Variants in PTPRD observed in about 807,000 individuals in gnomAD.
PTPRD encodes receptor-type tyrosine-protein phosphatase delta.
In PTPRD, 34 loss-of-function variants were observed where a neutral mutation model predicts 214.5. That is an observed-to-expected ratio of 0.16 (90% confidence interval 0.12 to 0.21). The LOEUF (loss-of-function observed/expected upper bound fraction) is 0.21, where lower values mean the gene tolerates loss of function less well. Among genes scored for constraint, PTPRD ranks in the 10% least tolerant of loss-of-function variants. The probability of loss-of-function intolerance (pLI) is 1.00; values close to 1 mark genes in which losing one functional copy is unlikely to be tolerated. For synonymous variants in PTPRD, 1,128 were observed against 845.7 expected (o/e 1.33, Z -5.79); for missense variants, 2,545 against 2,398.7 (o/e 1.06, Z -1.27).
At chr9:8,798,141 A>G (rs952641868) in intron 11 of PTPRD, among the ~76,000 whole-genome samples, 2 of 152,252 alleles carry the variant, frequency 1.3e-5, no homozygotes, top group Non-Finnish European at 1.5e-5. Flanking sequence ...AACATTTTAT[A>G]TGACTAAGTA....
chr9:9,968,432 A>T (rs1285783751), intron 4 of PTPRD, among the ~76,000 whole-genome samples: 4 of 152,256 alleles, frequency 2.6e-5, no homozygotes, highest in Non-Finnish European at 5.9e-5. Flanking sequence ...TAAAATAATC[A>T]AGAAAATATA....
At chr9:8,809,694 A>T (rs1275772092) in intron 11 of PTPRD, among the ~76,000 whole-genome samples, 1 of 152,186 alleles carries the variant, frequency 6.6e-6, no homozygotes, top group Non-Finnish European at 1.5e-5. Flanking sequence ...TATAGCTGGC[A>T]TAAGGTTTAC....
At chr9:9,004,050 TC>T (rs2099440506) in intron 11 of PTPRD, among the ~76,000 whole-genome samples, 3 of 152,210 alleles carry the variant, frequency 2.0e-5, no homozygotes, top group Non-Finnish European at 4.4e-5. Flanking sequence ...TGCTTATGTT[TC>T]TCCTTTAGAT....
At chr9:10,051,590 T>C (rs2097536041) in intron 3 of PTPRD, among the ~76,000 whole-genome samples, 1 of 151,858 alleles carries the variant, frequency 6.6e-6, no homozygotes, top group African/African-American at 2.4e-5. Flanking sequence ...CCTAATGCTA[T>C]CCCTCCCCAC....
intron 8 of PTPRD, among the ~76,000 whole-genome samples, chr9:9,485,981 T>A (rs1271488325): frequency 2.0e-5 from 3 of 151,652 alleles, no homozygotes; most frequent in Non-Finnish European, 4.4e-5. Context: ...TGAAACCTCT[T>A]TTCTACTAAA....
intron 3 of PTPRD, among the ~76,000 whole-genome samples, chr9:10,171,359 G>A (rs1196974399): frequency 6.6e-6 from 1 of 151,886 alleles, no homozygotes; most frequent in African/African-American, 2.4e-5. Context: ...AGATCTGATG[G>A]TTTTATAAGG....
intron 7 of PTPRD, among the ~76,000 whole-genome samples, chr9:9,711,681 C>T (rs916491461): frequency 6.6e-6 from 1 of 152,136 alleles, no homozygotes; most frequent in Non-Finnish European, 1.5e-5. Flanking sequence ...TTTTGATGAT[C>T]AGAACTGGCT....
At chr9:8,709,848 G>C (rs992001745) in intron 12 of PTPRD, among the ~76,000 whole-genome samples, 1 of 152,140 alleles carries the variant, frequency 6.6e-6, no homozygotes, top group Non-Finnish European at 1.5e-5. Context: ...AAGGTAAATA[G>C]GGCATCTTTA....
At chr9:10,523,693 A>G (rs2053312207) in intron 2 of PTPRD, among the ~76,000 whole-genome samples, 1 of 147,702 alleles carries the variant, frequency 6.8e-6, no homozygotes, top group Admixed American at 6.8e-5. Context: ...AGCGGCTCTA[A>G]TATGTTTGTT....
intron 3 of PTPRD, among the ~76,000 whole-genome samples, chr9:10,085,834 T>C (rs1444281938): frequency 6.6e-6 from 1 of 151,890 alleles, no homozygotes; most frequent in East Asian, 1.9e-4. Flanking sequence ...TCCTTAGAGG[T>C]CACCTGTAAC....
chr9:8,541,674 TTGTTTG>T (rs570676259), intron 14 of PTPRD, among the ~76,000 whole-genome samples: 169 of 151,974 alleles, frequency 1.1e-3, no homozygotes, highest in African/African-American at 4.0e-3. Flanking sequence ...GCCTTTGTGT[TTGTTTG>T]TGTTTGTGTG....
At chr9:9,739,221 G>A (rs1399781177) in intron 6 of PTPRD, among the ~76,000 whole-genome samples, 1 of 152,110 alleles carries the variant, frequency 6.6e-6, no homozygotes, top group East Asian at 1.9e-4. Flanking sequence ...ATACAACACT[G>A]AATACAAGTG....
Position 8,341,191 on chromosome 9 carries a change from A to G in PTPRD, c.5025T>C (p.Leu1675=), listed in dbSNP as rs757653941. 1.9e-6 allele frequency: 3 copies of G among 1,613,184 alleles called. No homozygotes were observed. The highest frequency in any genetic ancestry group is 1.1e-5 in the South Asian group (1 of 91,018). The change falls in exon 41 of 46, where the codon CTT becomes CTC. Residue 1675 remains leucine (L), a synonymous_variant. Coordinates refer to ENST00000381196, the MANE Select transcript of PTPRD (RefSeq NM_002839.4). ...TGGATTCATATGGCATAATATTAAC[A>G]AGGCGATTTTTGAATTTATTACATG... The part of the protein sequence containing the change: ...NLPCNKFKNR[L]VNIMPYESTR...
intron 9 of PTPRD, among the ~76,000 whole-genome samples, chr9:9,302,601 C>CTTTTTTTTTTTTTTTT (rs3047853): frequency 5.4e-5 from 6 of 111,882 alleles, no homozygotes; most frequent in East Asian, 2.7e-4. Flanking sequence ...TTTTTTTTTT[C>CTTTTTTTTTTTTTTTT]TTTTTTTTTT....
chr9:9,916,767 G>A (rs1308628551), intron 5 of PTPRD, among the ~76,000 whole-genome samples: 2 of 151,942 alleles, frequency 1.3e-5, no homozygotes, highest in Admixed American at 6.6e-5. Context: ...TTCAACAGTT[G>A]GAGAATACAC....
chr9:8,927,537 C>T (rs971959576), intron 11 of PTPRD, among the ~76,000 whole-genome samples: 3 of 152,146 alleles, frequency 2.0e-5, no homozygotes, highest in Non-Finnish European at 4.4e-5. Context: ...AGAACATGAG[C>T]TCATCCTTTT....
At chr9:9,943,218 ATTCATCTCC>A (rs2091937706) in intron 4 of PTPRD, among the ~76,000 whole-genome samples, 1 of 152,184 alleles carries the variant, frequency 6.6e-6, no homozygotes, top group South Asian at 2.1e-4. Context: ...AATAGGCAGG[ATTCATCTCC>A]TTCCTAGTTG....
At chr9:9,186,592 C>A (rs2099931652) in intron 9 of PTPRD, among the ~76,000 whole-genome samples, 1 of 150,474 alleles carries the variant, frequency 6.6e-6, no homozygotes, top group African/African-American at 2.4e-5. Context: ...ACCTGGACAA[C>A]AAAACAAGAC....
chr9:10,182,661 T>C (rs1163182528), intron 3 of PTPRD, among the ~76,000 whole-genome samples: 1 of 152,160 alleles, frequency 6.6e-6, no homozygotes, highest in Admixed American at 6.6e-5. Flanking sequence ...AAATGGACAG[T>C]AAAACACTTG....
Sources: gnomAD v4.1 joint callset for allele counts (sites outside exome capture counted in the v4.1 genomes callset) on GRCh38, gnomAD v4.1.1 for gene constraint, MANE v1.5 for transcripts, NCBI Gene and HGNC (gene_info 2026-07-23, HGNC 2026-07-21) for gene names.